NBAS: variants seen among roughly 807,000 people sequenced by gnomAD.
NBAS encodes NBAS subunit of NRZ tethering complex.
NBAS carries 219 observed loss-of-function variants against 302.5 expected under a neutral mutation model. The observed-to-expected ratio is 0.72, with a 90% CI of 0.65 to 0.81. The LOEUF is 0.81. NBAS is among the 30% of genes least tolerant of loss of function. The probability of loss-of-function intolerance (pLI) is 0.00; values close to 1 mark genes in which losing one functional copy is unlikely to be tolerated. For missense variants in NBAS, 2,932 were observed against 2,841.6 expected, an observed-to-expected ratio of 1.03 and a Z score of -0.72; for synonymous variants, 1,118 against 1,021.6, an observed-to-expected ratio of 1.09 and a Z score of -1.80.
the NBAS span, among the ~76,000 whole-genome samples, chr2:14,869,937 A>T: frequency 6.6e-6 from 1 of 152,220 alleles, no homozygotes; most frequent in Non-Finnish European, 1.5e-5. Context: ...GATGAGTGGT[A>T]GACATAACTT....
the NBAS span, among the ~76,000 whole-genome samples, chr2:14,921,611 C>T: frequency 6.6e-6 from 1 of 152,266 alleles, no homozygotes; most frequent in East Asian, 1.9e-4. Flanking sequence ...CAAGTTGCTC[C>T]TGAAGCATGA....
intron 32 of NBAS, among the ~76,000 whole-genome samples, chr2:15,362,985 G>A (rs1200545404): frequency 2.0e-5 from 3 of 152,152 alleles, no homozygotes; most frequent in Non-Finnish European, 4.4e-5. Flanking sequence ...CACTTTGGGA[G>A]GCTGCGACAG....
At chr2:15,552,073 T>G (rs546777364) in intron 5 of NBAS, among the ~76,000 whole-genome samples, 4 of 152,282 alleles carry the variant, frequency 2.6e-5, no homozygotes, top group African/African-American at 9.6e-5. Flanking sequence ...TATTATAAAA[T>G]ATGTTTAAAA....
chr2:15,269,308 G>A lies in NBAS; in HGVS notation c.5724+6176C>T, dbSNP rs932107388. 2.0e-5 allele frequency among the ~76,000 whole-genome samples: 3 copies of A among 152,180 alleles called. No individual in the cohort carries two copies. In the East Asian group the frequency reaches 5.8e-4, roughly 29 times the overall value. On this transcript the variant is annotated intron_variant, in intron 44 of 51. Coordinates refer to ENST00000281513, the MANE Select transcript of NBAS (RefSeq NM_015909.4). Reference sequence around the variant, plus strand: ...TGTCTTTCCTCCATGGTAGACATATGCCTCAGTTAACATCCTGATGGGAGA... The same window carrying A: ...TGTCTTTCCTCCATGGTAGACATATACCTCAGTTAACATCCTGATGGGAGA...
At chr2:14,913,667 G>A in the NBAS span, among the ~76,000 whole-genome samples, 13 of 152,188 alleles carry the variant, frequency 8.5e-5, no homozygotes, top group Non-Finnish European at 1.6e-4. Flanking sequence ...CAGCCATGTG[G>A]ATGGTGGGGC....
At chr2:15,324,616 C>G (rs1480122512) in intron 38 of NBAS, among the ~76,000 whole-genome samples, 1 of 152,162 alleles carries the variant, frequency 6.6e-6, no homozygotes, top group Non-Finnish European at 1.5e-5. Context: ...TAGCGCCTGT[C>G]ACTCACAAAT....
chr2:15,336,068 T>A (rs1672569176), intron 35 of NBAS, among the ~76,000 whole-genome samples: 1 of 151,070 alleles, frequency 6.6e-6, no homozygotes, highest in South Asian at 2.1e-4. Context: ...TGCCTTCCAG[T>A]CTGGATGACA....
At chr2:15,203,631 A>G (rs72776618) in intron 48 of NBAS, among the ~76,000 whole-genome samples, 12,709 of 152,234 alleles carry the variant, frequency 0.083, 893 homozygotes, top group East Asian at 0.33. Flanking sequence ...CCACACATTC[A>G]GCACAATTAT....
intron 40 of NBAS, among the ~76,000 whole-genome samples, chr2:15,307,054 G>T (rs190762127): frequency 6.6e-6 from 1 of 152,132 alleles, no homozygotes; most frequent in Admixed American, 6.6e-5. Flanking sequence ...CTCCCCTCCC[G>T]GGGGATGTGA....
the NBAS span, among the ~76,000 whole-genome samples, chr2:15,052,621 A>T: frequency 1.4e-4 from 21 of 152,362 alleles, no homozygotes; most frequent in South Asian, 4.3e-3. Flanking sequence ...TCATCGACTC[A>T]TGACACTATA....
At chr2:15,519,870 C>T (rs1662579913) in intron 9 of NBAS, among the ~76,000 whole-genome samples, 1 of 152,132 alleles carries the variant, frequency 6.6e-6, no homozygotes, top group Non-Finnish European at 1.5e-5. Context: ...ATATACTTTA[C>T]TATAGGTCAA....
chr2:14,972,748 G>C, the NBAS span, among the ~76,000 whole-genome samples: 3 of 152,308 alleles, frequency 2.0e-5, no homozygotes, highest in East Asian at 5.8e-4. Flanking sequence ...AAACAAGAGA[G>C]ACAGAATGTG....
intron 48 of NBAS, among the ~76,000 whole-genome samples, chr2:15,211,288 TAAAA>T (rs1269625611): frequency 6.6e-6 from 1 of 151,984 alleles, no homozygotes; most frequent in Non-Finnish European, 1.5e-5. Flanking sequence ...AATAAAAAGA[TAAAA>T]AATAAAGAAA....
chr2:15,489,732 CCT>C (rs557743382), intron 11 of NBAS, among the ~76,000 whole-genome samples: 1 of 152,190 alleles, frequency 6.6e-6, no homozygotes, highest in Non-Finnish European at 1.5e-5. Context: ...GTCCAAATAA[CCT>C]CTCTGTCTTT....
chr2:15,211,688 T>C (rs562796756), intron 48 of NBAS, among the ~76,000 whole-genome samples: 3 of 152,310 alleles, frequency 2.0e-5, no homozygotes, highest in African/African-American at 7.2e-5. Context: ...TCATTACACC[T>C]CTAAGCAGAA....
the NBAS span, among the ~76,000 whole-genome samples, chr2:15,057,245 A>G: frequency 1.1e-4 from 16 of 149,636 alleles, no homozygotes; most frequent in African/African-American, 4.0e-4. Flanking sequence ...AGATGCAAGC[A>G]CTCCGTGTTC....
the NBAS span, among the ~76,000 whole-genome samples, chr2:15,067,246 G>A: frequency 6.6e-6 from 1 of 151,518 alleles, no homozygotes; most frequent in Admixed American, 6.6e-5. Context: ...TCAGGAGGCT[G>A]ATGGGGGAGG....
At chr2:15,144,507 G>A in the NBAS span, among the ~76,000 whole-genome samples, 1 of 152,158 alleles carries the variant, frequency 6.6e-6, no homozygotes. Context: ...TCTGCGTGAG[G>A]CACTTTTTAG....
the NBAS span, among the ~76,000 whole-genome samples, chr2:14,823,981 T>C: frequency 2.0e-5 from 3 of 152,182 alleles, no homozygotes; most frequent in Non-Finnish European, 4.4e-5. Flanking sequence ...GCCCTGAACC[T>C]GAATCACCGT....
Sources: allele counts gnomAD v4.1 joint callset (sites outside exome capture counted in the v4.1 genomes callset), GRCh38; gene constraint gnomAD v4.1.1; transcripts MANE v1.5; gene names NCBI Gene and HGNC (gene_info 2026-07-23, HGNC 2026-07-21).